The following SRCAP variants were observed in gnomAD, a reference collection of about 807,000 sequenced individuals.
SRCAP encodes chromatin remodeling protein SRCAP.
Under a neutral mutation model 263.1 loss-of-function variants are expected in SRCAP, and 46 were observed. The ratio of observed to expected loss-of-function variants is 0.17; its 90% CI spans 0.14 to 0.22. The LOEUF is 0.22. Ranked by LOEUF, SRCAP falls within the 10% of genes least tolerant of loss-of-function variation. The pLI, the probability that SRCAP is intolerant of heterozygous loss-of-function variation, is 1.00. For missense variants in SRCAP, 3,695 were observed against 4,181.9 expected (o/e 0.88, Z 3.21); for synonymous variants, 1,813 against 1,662.1 (o/e 1.09, Z -2.21).
rs1213660495 is a variant in SRCAP at position 30,740,184 on chromosome 16, T to C, written c.*451T>C. On this transcript the variant is annotated 3_prime_UTR_variant, in exon 34 of 34. Coordinates refer to ENST00000262518, the MANE Select transcript of SRCAP (RefSeq NM_006662.3). ...TCTGGTGGAGGGTTGGGTGGGAACT[T>C]GGGCATCGTTTTTCTCCTCCCTCTT... 1 of 152,768 alleles carries C rather than the reference T, an allele frequency of 6.5e-6. No homozygotes were observed. Among genetic ancestry groups the C allele is most frequent in the Non-Finnish European group, 1.5e-5 (1 of 68,308 alleles). 9.5% of individuals were successfully genotyped at this position (152,768 alleles called of 1,614,324 possible). A position where few individuals can be genotyped will look rare whatever the true frequency, so the allele number is the denominator to read the frequency against.
At chr16:30,721,568 A>G in intron 21 of SRCAP, 92 bp downstream of exon 21, 2 of 1,477,500 alleles carry the variant, frequency 1.4e-6, no homozygotes, top group Non-Finnish European at 1.8e-6. Flanking sequence ...TGGGTCAGGC[A>G]TGATGGCTCA....
At position 30,707,639 on chromosome 16, in the gene SRCAP, A is replaced by G. The variant is rs750129041; in HGVS notation, c.560A>G (p.Glu187Gly). ...RQKEERARRE[E>G]QAKLRRIAST... ...AAAGAGGAACGGGCCCGGAGGGAGG[A>G]GCAGGCCAAGCTGCGTCGAATTGCT... The change falls in exon 6 of 34, where the codon GAG (glutamate) becomes GGG (glycine). Residue 187 changes from glutamate (E) to glycine (G), a missense_variant. Physicochemically the swap from Glu to Gly is moderately conservative, Grantham distance 98 (BLOSUM62 -2). Coordinates refer to ENST00000262518, the MANE Select transcript of SRCAP (RefSeq NM_006662.3). 6.2e-6 allele frequency: 10 copies of G among 1,613,916 alleles called. No individual in the cohort carries two copies. In the Admixed American group the frequency reaches 1.7e-4, roughly 27 times the overall value.
Position 30,737,637 on chromosome 16 carries a change from T to G in SRCAP, c.7597T>G (p.Ser2533Ala). 1.9e-6 allele frequency: 3 copies of G among 1,614,094 alleles called. No homozygotes were observed. Among genetic ancestry groups the G allele is most frequent in the Non-Finnish European group, 2.5e-6 (3 of 1,180,036 alleles). ...PSSPLLLGPP[S>A]VPISASVTNL... ...CTCTCCTCTCTTGCTTGGTCCACCT[T>G]CTGTGCCCATCTCTGCCTCAGTCAC... is the stretch of plus-strand genomic sequence containing the variant. The change falls in exon 34 of 34, where the codon TCT (serine) becomes GCT (alanine). Residue 2533 changes from serine (S) to alanine (A), a missense_variant. Transcript: ENST00000262518.
chr16:30,700,666 C>A lies in SRCAP; in HGVS notation c.-159C>A. ...GCGGAGGCTGGGACGCCCTGGTGGGCCCCGGGCCCTGGAAGGCGGGTCCCG... is the reference window on the plus strand; with the variant it reads ...GCGGAGGCTGGGACGCCCTGGTGGGACCCGGGCCCTGGAAGGCGGGTCCCG... On this transcript the variant is annotated 5_prime_UTR_variant, in exon 3 of 34. Coordinates refer to ENST00000262518, the MANE Select transcript of SRCAP (RefSeq NM_006662.3). 1 of 604,754 alleles carries A rather than the reference C, an allele frequency of 1.7e-6. No individual in the cohort carries two copies. Among genetic ancestry groups the A allele is most frequent in the Non-Finnish European group, 2.9e-6 (1 of 349,734 alleles). The allele number at this position is 604,754 out of a possible 1,614,324, so 37.5% of individuals were successfully genotyped here. A position where few individuals can be genotyped will look rare whatever the true frequency, so the allele number is the denominator to read the frequency against.
At chr16:30,722,469 C>G (rs1248583661) in intron 22 of SRCAP, 94 bp from the exon 23 acceptor site, 2 of 1,521,800 alleles carry the variant, frequency 1.3e-6, no homozygotes, top group South Asian at 1.2e-5. Flanking sequence ...AGAATGTATT[C>G]CCTCTCTGTT....
intron 32 of SRCAP, 72 bp downstream of exon 32, chr16:30,736,466 T>C (rs1483924099): frequency 1.9e-6 from 3 of 1,610,032 alleles, no homozygotes; most frequent in Non-Finnish European, 2.5e-6. Flanking sequence ...TTGTCTTCCC[T>C]GGTGGGAATA....
chr16:30,728,762 G>C (rs1309965959), intron 25 of SRCAP, among the ~76,000 whole-genome samples: 1 of 152,112 alleles, frequency 6.6e-6, no homozygotes, highest in Admixed American at 6.5e-5. Flanking sequence ...AGAAAGAATA[G>C]TTATTTAACA....
chr16:30,724,871 C>G lies in SRCAP; in HGVS notation c.5447C>G (p.Pro1816Arg), dbSNP rs960766913. ...CTGGCCCCAGCCTCCACACAGTCCC[C>G]AGCTTCCCAGGCATCTTCCCTTGTG... ...LALAPASTQS[P>R]ASQASSLVVS... The change falls in exon 25 of 34, where the codon CCA becomes CGA. Residue 1816 changes from proline (P) to arginine (R), a missense_variant. Pro to Arg is a moderately radical substitution (Grantham distance 103). Transcript: ENST00000262518. 1 of 1,614,232 alleles carries G rather than the reference C, an allele frequency of 6.2e-7. No homozygotes were observed. The highest frequency in any genetic ancestry group is 8.5e-7 in the Non-Finnish European group (1 of 1,180,044).
chr16:30,720,375 G>T, intron 19 of SRCAP, 44 bp downstream of exon 19: 1 of 1,585,494 alleles, frequency 6.3e-7, no homozygotes, highest in South Asian at 1.1e-5. Context: ...AGAATAAGTG[G>T]CTGAAAGCTG....
Position 30,739,834 on chromosome 16 carries a change from C to G in SRCAP, c.*101C>G. On this transcript the variant is annotated 3_prime_UTR_variant, in exon 34 of 34. Transcript: ENST00000262518. ...CTTGAAGTCTTGAGGGGGAAAGCCT[C>G]CAGGGAGACATAGGGGCCTTCTCCC... 1 of 1,415,708 alleles carries G rather than the reference C, an allele frequency of 7.1e-7. No individual in the cohort carries two copies. Among genetic ancestry groups the G allele is most frequent in the Non-Finnish European group, 9.2e-7 (1 of 1,081,986 alleles). 87.7% of individuals were successfully genotyped at this position (1,415,708 alleles called of 1,614,324 possible).
In SRCAP at chr16:30,728,880, T is replaced by C. The variant is rs2053087256; in HGVS notation, c.5659-86T>C. ...ATTTTTGGATCCCATGGTTTCTATA[T>C]ATTTATTTCCATCTGGGAAGAACAG... On this transcript the variant is annotated intron_variant, in intron 25 of 33. Transcript: ENST00000262518. The C allele has an allele frequency of 2.1e-6, 3 of 1,454,796 alleles. No individual in the cohort carries two copies. The Admixed American group carries it at 7.0e-5, about 34-fold the overall frequency. 90.1% of individuals were successfully genotyped at this position (1,454,796 alleles called of 1,614,324 possible).
chr16:30,709,463 A>G (rs2052864735), intron 6 of SRCAP, 50 bp from the exon 7 acceptor site: 1 of 1,600,080 alleles, frequency 6.2e-7, no homozygotes, highest in Non-Finnish European at 8.6e-7. Context: ...GTAAAAGTAC[A>G]TAAATAAAAT....
intron 4 of SRCAP, among the ~76,000 whole-genome samples, chr16:30,705,322 C>T (rs2052814476): frequency 6.6e-6 from 1 of 152,140 alleles, no homozygotes; most frequent in South Asian, 2.1e-4. Context: ...ATTCTTGGTA[C>T]CTCTCACCCA....
rs768065629 is a variant in SRCAP at position 30,712,779 on chromosome 16, C to T, written c.2094C>T (p.Tyr698=). Residue 698 remains tyrosine, a synonymous_variant, in exon 14 of 34, where the codon TAC becomes TAT. Transcript: ENST00000262518. ...GCCCCAGCTTTAAAATCCTCACTTACTATGGAGCCCAGAAAGAGAGGAAGC... is the reference window on the plus strand; with the variant it reads ...GCCCCAGCTTTAAAATCCTCACTTATTATGGAGCCCAGAAAGAGAGGAAGC... The part of the protein sequence containing the change: ...RWCPSFKILT[Y]YGAQKERKLK... 3.1e-6 allele frequency: 5 copies of T among 1,614,038 alleles called. No individual in the cohort carries two copies. Among genetic ancestry groups the T allele is most frequent in the African/African-American group, 2.7e-5 (2 of 74,922 alleles).
intron 31 of SRCAP, among the ~76,000 whole-genome samples, chr16:30,735,123 T>G (rs1049025724): frequency 2.0e-5 from 3 of 151,396 alleles, no homozygotes; most frequent in African/African-American, 7.3e-5. Context: ...GCGTTTCACA[T>G]TAAGTACAAA....
At chr16:30,734,677 G>A in intron 31 of SRCAP, 62 bp downstream of exon 31, 3 of 1,608,630 alleles carry the variant, frequency 1.9e-6, no homozygotes, top group African/African-American at 2.7e-5. Flanking sequence ...CTTGTCTTTT[G>A]TTAGTCTGTT....
chr16:30,739,695 C>A lies in SRCAP; in HGVS notation c.9655C>A (p.Pro3219Thr). ...RSSAPPSLAG[P>T]AVSHRGRKAK... ...CAGCGCCCCTCCCTCCCTGGCTGGC[C>A]CTGCTGTTAGTCACAGAGGCCGCAA... Residue 3219 changes from proline (P) to threonine (T), a missense_variant, in exon 34 of 34, where the codon CCT (proline) becomes ACT (threonine). Pro to Thr is a conservative substitution (Grantham distance 38). This residue lies in a region of SRCAP where 1,207 missense variants were observed against 1,142.9 expected (regional missense o/e 1.06). Transcript: ENST00000262518. The A allele has an allele frequency of 6.6e-7, 1 of 1,525,012 alleles. No individual in the cohort carries two copies. Among genetic ancestry groups the A allele is most frequent in the Non-Finnish European group, 8.8e-7 (1 of 1,137,790 alleles). The allele number at this position is 1,525,012 out of a possible 1,614,324, so 94.5% of individuals were successfully genotyped here.
In SRCAP at chr16:30,712,086, A is replaced by G; in HGVS notation, c.1744A>G (p.Lys582Glu). The stretch of plus-strand genomic sequence containing the variant: ...AGGGCCCACTACTCTAGGTCCAAAG[A>G]AAGAAATTACTGACATTGCTGCAGC... ...TPGPTTLGPK[K>E]EITDIAAAAE... Residue 582 changes from lysine (K) to glutamate (E), a missense_variant, in exon 12 of 34, where the codon AAA becomes GAA. Physicochemically the swap from Lys to Glu is moderately conservative, Grantham distance 56. Transcript: ENST00000262518. 3.1e-6 allele frequency: 5 copies of G among 1,614,094 alleles called. No homozygotes were observed. Among genetic ancestry groups the G allele is most frequent in the Non-Finnish European group, 4.2e-6 (5 of 1,180,038 alleles).
chr16:30,713,097 T>C, intron 14 of SRCAP, 111 bp from the exon 15 acceptor site: 1 of 1,249,818 alleles, frequency 8.0e-7, no homozygotes, highest in Non-Finnish European at 1.1e-6. Flanking sequence ...TTGCTGGGAC[T>C]TTCTCTTTTC....
Sources: allele counts gnomAD v4.1 joint callset (sites outside exome capture counted in the v4.1 genomes callset), GRCh38; gene constraint gnomAD v4.1.1; regional missense constraint gnomAD v4.1.1; transcripts MANE v1.5; gene names NCBI Gene and HGNC (gene_info 2026-07-23, HGNC 2026-07-21).